ACSM2A: variants seen among roughly 807,000 people sequenced by gnomAD.
ACSM2A encodes the protein acyl-CoA synthetase medium chain family member 2A.
ACSM2A carries 72 observed loss-of-function variants against 76.6 expected under a neutral mutation model. The ratio of observed to expected loss-of-function variants is 0.94; its 90% CI spans 0.78 to 1.14. ACSM2A has a LOEUF of 1.14. Among genes scored for constraint, ACSM2A ranks in the 50% most tolerant of loss-of-function variants. The pLI is 0.00. For missense variants in ACSM2A, 684 were observed against 708.5 expected (o/e 0.97, Z 0.39); for synonymous variants, 249 against 255.9 (o/e 0.97, Z 0.26).
intron 2 of ACSM2A, among the ~76,000 whole-genome samples, chr16:20,463,805 T>C (rs1483604943): frequency 6.6e-6 from 1 of 152,228 alleles, no homozygotes; most frequent in Non-Finnish European, 1.5e-5. Context: ...TCACTTGGCA[T>C]GTCTTCAAGG....
chr16:20,482,968 G>C (rs1470256488), intron 12 of ACSM2A, 90 bp from the exon 13 acceptor site: 1 of 1,558,914 alleles, frequency 6.4e-7, no homozygotes, highest in Non-Finnish European at 8.7e-7. Context: ...AGATACAAGG[G>C]TGATGGAAGT....
chr16:20,474,954 T>C (rs1321573879), intron 6 of ACSM2A, among the ~76,000 whole-genome samples: 1 of 152,130 alleles, frequency 6.6e-6, no homozygotes, highest in Non-Finnish European at 1.5e-5. Context: ...CTGGAAACAA[T>C]CTATTATAAA....
intron 13 of ACSM2A, among the ~76,000 whole-genome samples, chr16:20,483,405 A>C (rs1263542863): frequency 2.6e-5 from 4 of 151,282 alleles, no homozygotes; most frequent in Admixed American, 1.3e-4. Flanking sequence ...CCCCATCTCT[A>C]CCCAAAATGC....
chr16:20,461,322 A>AT (rs1216810713), intron 2 of ACSM2A, among the ~76,000 whole-genome samples: 3 of 151,920 alleles, frequency 2.0e-5, no homozygotes, highest in African/African-American at 4.8e-5. Context: ...CAACATTTTA[A>AT]AATTGAAAAT....
In ACSM2A at chr16:20,459,231, T is replaced by A. The variant is rs189994973; in HGVS notation, c.-8-876T>A. On this transcript the variant is annotated intron_variant, in intron 1 of 13. Coordinates refer to ENST00000573854, the MANE Select transcript of ACSM2A (RefSeq NM_001308172.2). ...AAGTGTTAAGTGTATACTCCTCGGG[T>A]GATGGGTGCACAACAATGTCACAAA... Among the ~76,000 whole-genome samples, 280 of 151,814 alleles carry A rather than the reference T, an allele frequency of 1.8e-3. 3 individuals are homozygous for A. Among genetic ancestry groups the A allele is most frequent in the Middle Eastern group, 6.8e-3 (2 of 294 alleles).
intron 1 of ACSM2A, among the ~76,000 whole-genome samples, chr16:20,454,673 C>T (rs557441388): frequency 3.0e-4 from 45 of 152,018 alleles, no homozygotes; most frequent in Non-Finnish European, 6.0e-4. Context: ...CCTTGAGCCC[C>T]AGATCTTCCC....
chr16:20,474,020 G>GC (rs1189773211), intron 6 of ACSM2A: 1 of 446,852 alleles, frequency 2.2e-6, no homozygotes, highest in Admixed American at 2.4e-5. Flanking sequence ...TAAGCTGGAA[G>GC]CCCCCGCTTC....
At chr16:20,469,870 GTA>G (rs60365080) in intron 4 of ACSM2A, 151 bp downstream of exon 4, 65,149 of 610,590 alleles carry the variant, frequency 0.11, 4,945 homozygotes, top group East Asian at 0.4. Flanking sequence ...TAACACAAGG[GTA>G]TTTTTTTTTT....
chr16:20,481,294 T>A (rs1304324839), intron 12 of ACSM2A: 3 of 243,072 alleles, frequency 1.2e-5, no homozygotes, highest in Non-Finnish European at 2.4e-5. Flanking sequence ...GCAGCACTAT[T>A]CACAATACGA....
chr16:20,483,674 C>T (rs1464538481), intron 13 of ACSM2A, among the ~76,000 whole-genome samples: 1 of 142,310 alleles, frequency 7.0e-6, no homozygotes, highest in Non-Finnish European at 1.5e-5. Context: ...CAGCTTTTGA[C>T]TCACTCTGAA....
chr16:20,453,550 G>A (rs1027136357), intron 1 of ACSM2A: 3 of 126,866 alleles, frequency 2.4e-5, no homozygotes. Context: ...AAACATGTGT[G>A]TTTGAACAAT....
Position 20,452,541 on chromosome 16 carries a change from A to G in ACSM2A, c.-9+860A>G, listed in dbSNP as rs1239218891. The G allele has an allele frequency of 1.6e-5, 2 of 123,224 alleles. 1 individual carries two copies. The highest frequency in any genetic ancestry group is 6.9e-5 in the African/African-American group (2 of 28,994). The allele number at this position is 123,224 out of a possible 1,614,324, so 7.6% of individuals were successfully genotyped here. On this transcript the variant is annotated intron_variant, in intron 1 of 13. Coordinates refer to ENST00000573854, the MANE Select transcript of ACSM2A (RefSeq NM_001308172.2). Reference sequence around the variant, plus strand: ...TATATACACACATACATATGTTAATACTTAGTAAACTCATATATATGCTTA... The same window carrying G: ...TATATACACACATACATATGTTAATGCTTAGTAAACTCATATATATGCTTA...
At chr16:20,469,431 G>T in intron 3 of ACSM2A, 81 bp from the exon 4 acceptor site, 1 of 1,586,638 alleles carries the variant, frequency 6.3e-7, no homozygotes, top group Non-Finnish European at 8.6e-7. Flanking sequence ...CCACTTGCTC[G>T]CTGCTTGATG....
chr16:20,464,445 A>G (rs2355907), intron 2 of ACSM2A, among the ~76,000 whole-genome samples: 3 of 152,300 alleles, frequency 2.0e-5, no homozygotes, highest in Non-Finnish European at 2.9e-5. Context: ...GCTTCTGATG[A>G]GGGCCTCAAG....
chr16:20,481,550 G>A (rs2014083041), intron 12 of ACSM2A: 2 of 151,504 alleles, frequency 1.3e-5, no homozygotes, highest in South Asian at 4.4e-4. Context: ...TAGAGTGATA[G>A]ATACCAGAGG....
rs376967417 is a variant in ACSM2A, at chr16:20,480,913, C to G, written c.1501C>G (p.Arg501Gly). 2.0e-5 allele frequency: 33 copies of G among 1,613,778 alleles called. No individual in the cohort carries two copies. The African/African-American group carries it at 3.7e-4, about 18-fold the overall frequency. The change falls in exon 12 of 14, where the codon CGA becomes GGA. Residue 501 changes from arginine to glycine, a missense_variant. By Grantham distance (125) the Arg-to-Gly change is moderately radical (BLOSUM62 -2). Coordinates refer to ENST00000573854, the MANE Select transcript of ACSM2A (RefSeq NM_001308172.2). The part of the protein sequence containing the change: ...TAVISSPDPV[R>G]GEVVKAFVVL... ...TGTGATCAGCAGCCCAGACCCCGTC[C>G]GAGGAGAGGTGATGGGGAAGCAGTA...
At chr16:20,478,512 C>T in intron 9 of ACSM2A, 64 bp from the exon 10 acceptor site, 1 of 1,567,078 alleles carries the variant, frequency 6.4e-7, no homozygotes, top group South Asian at 1.2e-5. Flanking sequence ...TCAGCAATCT[C>T]ATGATGCCAT....
chr16:20,465,484 G>A, intron 2 of ACSM2A, 33 bp from the exon 3 acceptor site: 1 of 1,610,170 alleles, frequency 6.2e-7, no homozygotes, highest in Non-Finnish European at 8.5e-7. Context: ...GTGTACCAAT[G>A]CCCCCTGATC....
chr16:20,465,875 C>G lies in ACSM2A; in HGVS notation c.388+148C>G. ...GAAGAAAGACATCTCCCTACTTCCA[C>G]TTATTTAAGCAAACTATGTGCCAAG... On this transcript the variant is annotated intron_variant, in intron 3 of 13. Transcript: ENST00000573854. 2.1e-6 allele frequency: 3 copies of G among 1,413,860 alleles called. No homozygotes were observed. The South Asian group carries it at 4.7e-5, about 22-fold the overall frequency. 87.6% of individuals were successfully genotyped at this position (1,413,860 alleles called of 1,614,324 possible). A position where few individuals can be genotyped will look rare whatever the true frequency, so the allele number is the denominator to read the frequency against.
Sources: allele counts gnomAD v4.1 joint callset (sites outside exome capture counted in the v4.1 genomes callset), GRCh38; gene constraint gnomAD v4.1.1; transcripts MANE v1.5; gene names NCBI Gene and HGNC (gene_info 2026-07-23, HGNC 2026-07-21).